Variants in PRKN observed in about 807,000 individuals in gnomAD.
The protein encoded by PRKN is parkin RBR E3 ubiquitin protein ligase.
A neutral mutation model predicts 59.5 loss-of-function variants in PRKN; 56 were observed. The ratio of observed to expected loss-of-function variants is 0.94; its 90% CI spans 0.76 to 1.18. PRKN has a LOEUF of 1.18. Among genes scored for constraint, PRKN ranks in the 50% most tolerant of loss-of-function variants. The pLI, the probability that PRKN is intolerant of heterozygous loss-of-function variation, is 0.00. For synonymous variants in PRKN, 250 were observed against 222.1 expected, an observed-to-expected ratio of 1.13 and a Z score of -1.12; for missense variants, 657 against 596.4, an observed-to-expected ratio of 1.10 and a Z score of -1.06.
chr6:162,260,217 G>A (rs1779829190), intron 3 of PRKN, among the ~76,000 whole-genome samples: 1 of 152,134 alleles, frequency 6.6e-6, no homozygotes, highest in African/African-American at 2.4e-5. Context: ...GCACAAGGCT[G>A]GCAGGCCACA....
chr6:162,173,027 GC>G (rs1310518061), intron 4 of PRKN, among the ~76,000 whole-genome samples: 3 of 152,152 alleles, frequency 2.0e-5, no homozygotes, highest in Non-Finnish European at 4.4e-5. Context: ...GAATTGAATG[GC>G]TTGGGGATGG....
chr6:162,002,443 C>G (rs939808587), intron 5 of PRKN, among the ~76,000 whole-genome samples: 3 of 152,012 alleles, frequency 2.0e-5, no homozygotes, highest in Non-Finnish European at 4.4e-5. Flanking sequence ...TAGATTTGTT[C>G]ATAATATTCC....
rs1386894865 is a variant in PRKN, at chr6:161,481,117, T to C, written c.1083+67737A>G. Among the ~76,000 whole-genome samples, 5 of 152,088 alleles carry C rather than the reference T, an allele frequency of 3.3e-5. No homozygotes were observed. The East Asian group carries it at 9.6e-4, about 29-fold the overall frequency. ...AGGGCAGTGTTTTGAACTGAAAATATTACATGCCACCATAGAACTGTTTTC... is the reference window on the plus strand; with the variant it reads ...AGGGCAGTGTTTTGAACTGAAAATACTACATGCCACCATAGAACTGTTTTC... On this transcript the variant is annotated intron_variant, in intron 9 of 11. Transcript: ENST00000366898.
chr6:162,283,694 T>C (rs1193913854), intron 2 of PRKN, among the ~76,000 whole-genome samples: 2 of 152,202 alleles, frequency 1.3e-5, no homozygotes, highest in Non-Finnish European at 2.9e-5. Context: ...CTAATTTTTG[T>C]ATTTTTAGTA....
Position 162,455,651 on chromosome 6 carries a change from G to A in PRKN, c.8-12178C>T, listed in dbSNP as rs555776123. Among the ~76,000 whole-genome samples the A allele has an allele frequency of 1.1e-4, 17 of 152,126 alleles. No individual in the cohort carries two copies. The South Asian group carries it at 3.3e-3, about 30-fold the overall frequency. ...TGGCTATGGGGGCCCATTTTTTTCT[G>A]AAAAATTAACTCCTATTGGCTGTCT... On this transcript the variant is annotated intron_variant, in intron 1 of 11. Transcript: ENST00000366898.
In PRKN at chr6:162,670,239, A is replaced by T. The variant is rs1229259044; in HGVS notation, c.7+57423T>A. ...ATAACAGCAACAGCCCTGCAGTCAC[A>T]TCTTTTTGTAACTAGCTCTAAGAAC... On this transcript the variant is annotated intron_variant, in intron 1 of 11. Coordinates refer to ENST00000366898, the MANE Select transcript of PRKN (RefSeq NM_004562.3). 2.0e-5 allele frequency among the ~76,000 whole-genome samples: 3 copies of T among 152,204 alleles called. No individual in the cohort carries two copies. The East Asian group carries it at 5.8e-4, about 29-fold the overall frequency.
chr6:162,159,665 A>C (rs1782673918), intron 4 of PRKN, among the ~76,000 whole-genome samples: 1 of 152,254 alleles, frequency 6.6e-6, no homozygotes, highest in African/African-American at 2.4e-5. Flanking sequence ...TTTGAAAAAG[A>C]AAACAAAGTT....
At position 161,546,793 on chromosome 6, in the gene PRKN, C is replaced by G. The variant is rs888148899; in HGVS notation, c.1083+2061G>C. Among the ~76,000 whole-genome samples the G allele has an allele frequency of 1.1e-4, 16 of 151,880 alleles. No homozygotes were observed. The highest frequency in any genetic ancestry group is 1.5e-4 in the Non-Finnish European group (10 of 67,880). ...TCCTACAAGGCACTGTAGCTTCTCT[C>G]TGTTCTCTCTTTTGGACAACTTGCT... is the stretch of plus-strand genomic sequence containing the variant. On this transcript the variant is annotated intron_variant, in intron 9 of 11. Coordinates refer to ENST00000366898, the MANE Select transcript of PRKN (RefSeq NM_004562.3). The surrounding 1 kb of genome is among the most constrained non-coding windows in gnomAD (Gnocchi z 4.4).
chr6:162,438,209 A>C (rs1789876712), intron 2 of PRKN, among the ~76,000 whole-genome samples: 1 of 152,200 alleles, frequency 6.6e-6, no homozygotes, highest in Non-Finnish European at 1.5e-5. Flanking sequence ...AAGTTTAGAA[A>C]TCTTACCTTT....
intron 7 of PRKN, among the ~76,000 whole-genome samples, chr6:161,703,837 CTCTTTTTTTTTTTTT>C (rs1439209923): frequency 7.6e-5 from 8 of 104,800 alleles, no homozygotes; most frequent in East Asian, 2.5e-4. Context: ...CTCTCTCTCT[CTCTTTTTTTTTTTTT>C]TTTTTTTTTT....
intron 3 of PRKN, among the ~76,000 whole-genome samples, chr6:162,259,044 T>C (rs1015864172): frequency 3.3e-5 from 5 of 152,212 alleles, no homozygotes; most frequent in Non-Finnish European, 7.3e-5. Flanking sequence ...ACTTATATTC[T>C]TCGAAGTTAA....
chr6:161,774,079 C>T (rs1893100), intron 7 of PRKN, among the ~76,000 whole-genome samples: 3,697 of 152,222 alleles, frequency 0.024, 142 homozygotes, highest in African/African-American at 0.079. Flanking sequence ...AAAAAGATGA[C>T]CGAACAGACA....
intron 9 of PRKN, among the ~76,000 whole-genome samples, chr6:161,536,456 AG>A (rs945311649): frequency 6.6e-6 from 1 of 152,042 alleles, no homozygotes; most frequent in African/African-American, 2.4e-5. Flanking sequence ...AGCAAGAGAA[AG>A]GGGGAGATGG....
intron 1 of PRKN, among the ~76,000 whole-genome samples, chr6:162,445,006 C>T (rs940186361): frequency 6.6e-6 from 1 of 152,106 alleles, no homozygotes; most frequent in South Asian, 2.1e-4. Context: ...TAAAAGATAA[C>T]AAACTCCTCA....
chr6:162,375,717 C>T (rs1002004237), intron 2 of PRKN, among the ~76,000 whole-genome samples: 12 of 148,516 alleles, frequency 8.1e-5, no homozygotes, highest in African/African-American at 2.5e-4. Context: ...AAAGACTCTG[C>T]CAATCTGATA....
chr6:162,134,069 G>A (rs957617863), intron 4 of PRKN, among the ~76,000 whole-genome samples: 3 of 152,100 alleles, frequency 2.0e-5, no homozygotes, highest in Admixed American at 1.3e-4. Flanking sequence ...CCCAGTATAC[G>A]TCCTCTTATT....
At chr6:162,323,216 T>TTAAA in intron 2 of PRKN, among the ~76,000 whole-genome samples, 1 of 151,406 alleles carries the variant, frequency 6.6e-6, no homozygotes, top group East Asian at 1.9e-4. Context: ...ACCCTAAAAC[T>TTAAA]TAAAGTATAA....
In PRKN at chr6:161,549,996, G is replaced by A. The variant is rs1779941930; in HGVS notation, c.934-993C>T. On this transcript the variant is annotated intron_variant, in intron 8 of 11. Transcript: ENST00000366898. The surrounding 1 kb of genome is among the most constrained non-coding windows in gnomAD (Gnocchi z 6.0). Reference sequence around the variant, plus strand: ...AGAGGGAGAGTCCAAAGAAGGTGGAGATTTCAATTTTAAAGAGGTGATTAC... The same window carrying A: ...AGAGGGAGAGTCCAAAGAAGGTGGAAATTTCAATTTTAAAGAGGTGATTAC... 6.6e-6 allele frequency among the ~76,000 whole-genome samples: 1 copy of A among 152,198 alleles called. No individual in the cohort carries two copies. The highest frequency in any genetic ancestry group is 1.5e-5 in the Non-Finnish European group (1 of 68,046).
intron 2 of PRKN, among the ~76,000 whole-genome samples, chr6:162,413,871 G>A (rs1319330612): frequency 6.6e-6 from 1 of 152,144 alleles, no homozygotes; most frequent in Non-Finnish European, 1.5e-5. Context: ...GGCCCTAAGG[G>A]CAATGTCAAA....
Sources: gnomAD v4.1 joint callset for allele counts (sites outside exome capture counted in the v4.1 genomes callset) on GRCh38, gnomAD v4.1.1 for gene constraint, Gnocchi (gnomAD v3.1) non-coding constraint, MANE v1.5 for transcripts, NCBI Gene and HGNC (gene_info 2026-07-23, HGNC 2026-07-21) for gene names.